The following ROBO1 variants were observed in gnomAD, a reference collection of about 807,000 sequenced individuals.
ROBO1 encodes roundabout guidance receptor 1.
In ROBO1, 149 loss-of-function variants were observed where a neutral mutation model predicts 195.9. The ratio of observed to expected loss-of-function variants is 0.76; its 90% confidence interval spans 0.67 to 0.87. ROBO1 has a LOEUF of 0.87. Among genes scored for constraint, ROBO1 ranks in the 40% least tolerant of loss-of-function variants. The pLI is 0.00. For missense variants in ROBO1, 1,933 were observed against 2,068.3 expected (o/e 0.93, Z 1.27); for synonymous variants, 816 against 733.2 (o/e 1.11, Z -1.82).
At chr3:79,623,804 C>A (rs1371882985) in intron 1 of ROBO1, among the ~76,000 whole-genome samples, 1 of 152,136 alleles carries the variant, frequency 6.6e-6, no homozygotes, top group East Asian at 1.9e-4. Context: ...CTTTCCCAAC[C>A]TAGCAAGACG....
chr3:78,621,007 CAT>C (rs1435123586), intron 26 of ROBO1, among the ~76,000 whole-genome samples: 1 of 150,698 alleles, frequency 6.6e-6, no homozygotes, highest in Non-Finnish European at 1.5e-5. Flanking sequence ...CATATACACA[CAT>C]ATATGTAATT....
intron 2 of ROBO1, among the ~76,000 whole-genome samples, chr3:79,244,034 C>T (rs1021143529): frequency 6.6e-6 from 1 of 152,104 alleles, no homozygotes; most frequent in Non-Finnish European, 1.5e-5. Flanking sequence ...GATCCAGTTT[C>T]AGCTTTCTGC....
intron 2 of ROBO1, among the ~76,000 whole-genome samples, chr3:79,232,303 A>G (rs559219686): frequency 1.3e-5 from 2 of 150,998 alleles, no homozygotes; most frequent in African/African-American, 4.8e-5. Flanking sequence ...AAGAGGTAAC[A>G]AAAAAGAAGA....
chr3:79,739,269 C>T (rs1560146730), intron 1 of ROBO1, among the ~76,000 whole-genome samples: 1 of 152,086 alleles, frequency 6.6e-6, no homozygotes, highest in East Asian at 1.9e-4. Context: ...CTAAGACTGC[C>T]AGTTAGTCAT....
At chr3:79,618,614 C>T (rs1944900077) in intron 1 of ROBO1, among the ~76,000 whole-genome samples, 1 of 152,288 alleles carries the variant, frequency 6.6e-6, no homozygotes, top group South Asian at 2.1e-4. Context: ...CCACCCTTAT[C>T]TCCCTTTGCT....
chr3:78,669,783 T>A (rs1707956321), intron 11 of ROBO1, among the ~76,000 whole-genome samples: 1 of 152,228 alleles, frequency 6.6e-6, no homozygotes, highest in South Asian at 2.1e-4. Flanking sequence ...ATGGAAGGAC[T>A]GCTTCGTACC....
chr3:79,137,078 G>T (rs1559686096), intron 2 of ROBO1, among the ~76,000 whole-genome samples: 1 of 152,006 alleles, frequency 6.6e-6, no homozygotes, highest in Non-Finnish European at 1.5e-5. Flanking sequence ...GAAAAATCAA[G>T]GTTGTTTCTT....
At chr3:79,052,366 T>A (rs985414687) in intron 3 of ROBO1, among the ~76,000 whole-genome samples, 2 of 152,084 alleles carry the variant, frequency 1.3e-5, no homozygotes, top group African/African-American at 4.8e-5. Context: ...GAACCCTGTT[T>A]CCTGTTAAGA....
At chr3:79,417,360 T>C (rs1387420758) in intron 2 of ROBO1, among the ~76,000 whole-genome samples, 1 of 152,102 alleles carries the variant, frequency 6.6e-6, no homozygotes, top group Non-Finnish European at 1.5e-5. Context: ...TGATGTTTGC[T>C]AACAATCATG....
chr3:78,638,751 G>A (rs35453825), intron 22 of ROBO1, among the ~76,000 whole-genome samples: 4,533 of 152,144 alleles, frequency 0.03, 106 homozygotes, highest in Non-Finnish European at 0.044. Flanking sequence ...GTGCGTGCCT[G>A]TGATCTCAGC....
chr3:79,003,577 A>C (rs2077554674), intron 3 of ROBO1, among the ~76,000 whole-genome samples: 1 of 152,102 alleles, frequency 6.6e-6, no homozygotes, highest in East Asian at 1.9e-4. Flanking sequence ...ATATTATCTC[A>C]ATTTTAATGA....
At chr3:79,285,866 C>T (rs1001472961) in intron 2 of ROBO1, among the ~76,000 whole-genome samples, 8 of 151,486 alleles carry the variant, frequency 5.3e-5, no homozygotes, top group African/African-American at 1.9e-4. Context: ...AAAATGTTAA[C>T]ATTTTAAAAT....
chr3:78,642,941 C>G (rs1187225147), intron 21 of ROBO1, among the ~76,000 whole-genome samples: 1 of 152,068 alleles, frequency 6.6e-6, no homozygotes. Flanking sequence ...TTCTGACATT[C>G]ATTTATTCAA....
intron 2 of ROBO1, among the ~76,000 whole-genome samples, chr3:79,169,467 C>T (rs1017528897): frequency 6.6e-5 from 10 of 152,170 alleles, no homozygotes; most frequent in Admixed American, 3.3e-4. Flanking sequence ...CACACACACA[C>T]GTTTCTTAAT....
At chr3:78,987,935 G>A (rs914769713) in intron 3 of ROBO1, among the ~76,000 whole-genome samples, 2 of 152,018 alleles carry the variant, frequency 1.3e-5, no homozygotes, top group Non-Finnish European at 2.9e-5. Flanking sequence ...ATATAAAGTT[G>A]CTAAATAATT....
At chr3:79,146,421 A>T (rs2080652386) in intron 2 of ROBO1, among the ~76,000 whole-genome samples, 1 of 152,058 alleles carries the variant, frequency 6.6e-6, no homozygotes, top group Non-Finnish European at 1.5e-5. Context: ...ACATAACTGC[A>T]GAAAAATATG....
Position 79,456,671 on chromosome 3 carries a change from C to T in ROBO1, c.88+133153G>A, listed in dbSNP as rs73848882. ...TTATCATACTCATTTAGTTTTGCTT[C>T]GTATTTCTTGTGTCAGACCTAGAAT... is the stretch of plus-strand genomic sequence containing the variant. On this transcript the variant is annotated intron_variant, in intron 2 of 30. Coordinates refer to ENST00000464233, the MANE Select transcript of ROBO1 (RefSeq NM_002941.4). 3.1e-3 allele frequency among the ~76,000 whole-genome samples: 473 copies of T among 152,200 alleles called. 4 individuals carry two copies. Among genetic ancestry groups the T allele is most frequent in the African/African-American group, 0.011 (458 of 41,536 alleles).
chr3:78,861,342 T>C (rs2034824059), intron 4 of ROBO1, among the ~76,000 whole-genome samples: 1 of 152,176 alleles, frequency 6.6e-6, no homozygotes, highest in African/African-American at 2.4e-5. Context: ...TTTCCATGTC[T>C]ACCGGCACAA....
intron 1 of ROBO1, among the ~76,000 whole-genome samples, chr3:79,616,919 G>T (rs1374465021): frequency 6.6e-6 from 1 of 152,192 alleles, no homozygotes; most frequent in Non-Finnish European, 1.5e-5. Context: ...ACCAGCCACA[G>T]AGCTGTCTGT....
Sources: allele counts gnomAD v4.1 joint callset (sites outside exome capture counted in the v4.1 genomes callset), GRCh38; gene constraint gnomAD v4.1.1; transcripts MANE v1.5; gene names NCBI Gene and HGNC (gene_info 2026-07-23, HGNC 2026-07-21).